The following MYBPC1 variants were observed in gnomAD, a reference collection of about 807,000 sequenced individuals.
The protein encoded by MYBPC1 is myosin binding protein C1, also known as myosin-binding protein C, slow-type.
A neutral mutation model predicts 147.1 loss-of-function variants in MYBPC1; 52 were observed. The ratio of observed to expected loss-of-function variants is 0.35; its 90% CI spans 0.28 to 0.45. MYBPC1 has a LOEUF of 0.45. MYBPC1 is among the 20% of genes least tolerant of loss of function. The probability of loss-of-function intolerance (pLI) is 1.00; values close to 1 mark genes in which losing one functional copy is unlikely to be tolerated. For missense variants in MYBPC1, 1,228 were observed against 1,440.3 expected, an observed-to-expected ratio of 0.85 and a Z score of 2.39; for synonymous variants, 477 against 475.9, an observed-to-expected ratio of 1.00 and a Z score of -0.03.
At chr12:101,606,582 G>A (rs11110882) in intron 1 of MYBPC1, among the ~76,000 whole-genome samples, 2,205 of 151,732 alleles carry the variant, frequency 0.015, 55 homozygotes, top group East Asian at 0.099. Flanking sequence ...GGGATTACAG[G>A]CTTGAGCCAC....
At chr12:101,687,038 T>C (rs1253263979), downstream of MYBPC1, among the ~76,000 whole-genome samples, 1 of 152,096 alleles carries the variant, frequency 6.6e-6, no homozygotes. Flanking sequence ...TTTATTTTAT[T>C]TTATTTTTAT....
chr12:101,629,886 A>T (rs536827113), intron 6 of MYBPC1, among the ~76,000 whole-genome samples: 63 of 152,148 alleles, frequency 4.1e-4, no homozygotes, highest in South Asian at 6.2e-4. Context: ...AAAAAAAAAA[A>T]TTTTGAGGTG....
At chr12:101,647,844 G>A (rs550043336) in intron 13 of MYBPC1, among the ~76,000 whole-genome samples, 6 of 152,248 alleles carry the variant, frequency 3.9e-5, no homozygotes, top group Admixed American at 6.5e-5. Flanking sequence ...CCAAGATCAC[G>A]CCACTACACC....
intron 22 of MYBPC1, 29 bp downstream of exon 22, chr12:101,663,589 A>G (rs770891107): frequency 2.2e-5 from 36 of 1,610,396 alleles, no homozygotes; most frequent in South Asian, 9.9e-5. Context: ...TAAAATGAAT[A>G]CTGTCATCAA....
chr12:101,599,701 G>T (rs1057039791), intron 1 of MYBPC1, among the ~76,000 whole-genome samples: 12 of 150,980 alleles, frequency 7.9e-5, no homozygotes, highest in Admixed American at 6.6e-4. Context: ...TAGGGGAGGA[G>T]GAAAGATAGT....
intron 5 of MYBPC1, among the ~76,000 whole-genome samples, chr12:101,628,574 T>C (rs539735057): frequency 7.2e-5 from 11 of 151,986 alleles, no homozygotes; most frequent in Non-Finnish European, 1.0e-4. Context: ...AAGCAGAGAG[T>C]TGGCAACCTA....
chr12:101,638,598 C>A (rs144667826), intron 10 of MYBPC1, among the ~76,000 whole-genome samples: 1 of 151,906 alleles, frequency 6.6e-6, no homozygotes, highest in Non-Finnish European at 1.5e-5. Context: ...CATAAGGAGA[C>A]AACACACAAA....
chr12:101,695,775 A>G, the MYBPC1 span, among the ~76,000 whole-genome samples: 3 of 152,200 alleles, frequency 2.0e-5, no homozygotes, highest in African/African-American at 7.2e-5. Context: ...ACATCGTACC[A>G]GTCTTGGAGT....
intron 25 of MYBPC1, among the ~76,000 whole-genome samples, chr12:101,673,980 G>A (rs1478716125): frequency 6.6e-6 from 1 of 152,142 alleles, no homozygotes. Context: ...TTGAACCTGG[G>A]AGGTGGAAGT....
Position 101,661,220 on chromosome 12 carries a change from A to G in MYBPC1, c.1990A>G (p.Asn664Asp). The G allele has an allele frequency of 6.2e-7, 1 of 1,613,966 alleles. No individual in the cohort carries two copies. Among genetic ancestry groups the G allele is most frequent in the Non-Finnish European group, 8.5e-7 (1 of 1,179,976 alleles). Residue 664 changes from asparagine (N) to aspartate (D), a missense_variant, in exon 20 of 32, where the codon AAC becomes GAC. Asn to Asp is a conservative substitution (Grantham distance 23). Coordinates refer to ENST00000361466, the MANE Select transcript of MYBPC1 (RefSeq NM_002465.4). ...GGTGGGAGATGACTGGTGTATCATG[A>G]ACTGGGAGCCTCCTGCCTACGACGG... is the stretch of plus-strand genomic sequence containing the variant. ...TEVGDDWCIM[N>D]WEPPAYDGGS... is the part of the protein sequence containing the mutation.
chr12:101,607,296 T>C (rs937523662), intron 1 of MYBPC1, among the ~76,000 whole-genome samples: 1 of 152,182 alleles, frequency 6.6e-6, no homozygotes, highest in East Asian at 1.9e-4. Flanking sequence ...AGACACCTGA[T>C]AGTGTTTATT....
At chr12:101,600,501 T>C (rs530668445) in intron 1 of MYBPC1, 1 of 152,326 alleles carries the variant, frequency 6.6e-6, no homozygotes, top group East Asian at 1.9e-4. Flanking sequence ...AATGACATTT[T>C]TGCAATACTT....
chr12:101,661,761 C>T (rs1189675442), intron 20 of MYBPC1, among the ~76,000 whole-genome samples: 2 of 151,612 alleles, frequency 1.3e-5, no homozygotes, highest in Middle Eastern at 3.2e-3. Context: ...TGGTGGTGCG[C>T]ACCTGTGGTC....
At chr12:101,637,525 G>T (rs1891241003) in intron 10 of MYBPC1, among the ~76,000 whole-genome samples, 1 of 151,924 alleles carries the variant, frequency 6.6e-6, no homozygotes, top group Admixed American at 6.6e-5. Flanking sequence ...GCAACAAAAA[G>T]AAACACTTTT....
intron 1 of MYBPC1, among the ~76,000 whole-genome samples, chr12:101,604,958 C>A (rs1404344566): frequency 6.6e-6 from 1 of 152,178 alleles, no homozygotes; most frequent in East Asian, 1.9e-4. Context: ...AGGTTCAGCC[C>A]CTTAAGTGAC....
intron 1 of MYBPC1, among the ~76,000 whole-genome samples, chr12:101,606,513 G>A (rs1038125907): frequency 3.4e-5 from 5 of 145,296 alleles, no homozygotes; most frequent in African/African-American, 7.9e-5. Flanking sequence ...TACATTGCCC[G>A]GCCTGGTCTT....
chr12:101,682,730 C>T, intron 30 of MYBPC1, 68 bp downstream of exon 30: 1 of 1,386,654 alleles, frequency 7.2e-7, no homozygotes, highest in South Asian at 1.2e-5. Context: ...GAAAATGCAC[C>T]TTGCATGTAA....
chr12:101,668,810 A>C (rs544048148), intron 23 of MYBPC1, among the ~76,000 whole-genome samples: 1 of 152,242 alleles, frequency 6.6e-6, no homozygotes, highest in Non-Finnish European at 1.5e-5. Flanking sequence ...ATTTTGGCTG[A>C]GCACAATGCC....
At chr12:101,682,727 C>T in intron 30 of MYBPC1, 65 bp downstream of exon 30, 1 of 1,401,188 alleles carries the variant, frequency 7.1e-7, no homozygotes, top group South Asian at 1.2e-5. Flanking sequence ...CATGAAAATG[C>T]ACCTTGCATG....
Sources: allele counts gnomAD v4.1 joint callset (sites outside exome capture counted in the v4.1 genomes callset), GRCh38; gene constraint gnomAD v4.1.1; transcripts MANE v1.5; gene names NCBI Gene and HGNC (gene_info 2026-07-23, HGNC 2026-07-21).